Variants in LRRC8B observed in about 807,000 individuals in gnomAD.
The protein encoded by LRRC8B is volume-regulated anion channel subunit LRRC8B.
A neutral mutation model predicts 58.8 loss-of-function variants in LRRC8B; 23 were observed. That is an observed-to-expected ratio of 0.39 (90% CI 0.28 to 0.55). The LOEUF (loss-of-function observed/expected upper bound fraction) is 0.55. LRRC8B is among the 20% of genes least tolerant of loss of function. The probability of loss-of-function intolerance (pLI) is 0.62; values close to 1 mark genes in which losing one functional copy is unlikely to be tolerated. For missense variants in LRRC8B, 694 were observed against 936.0 expected, an observed-to-expected ratio of 0.74 and a Z score of 3.37; for synonymous variants, 359 against 374.1, an observed-to-expected ratio of 0.96 and a Z score of 0.47.
intron 1 of LRRC8B, among the ~76,000 whole-genome samples, chr1:89,541,000 A>G (rs181887724): frequency 4.6e-4 from 70 of 152,350 alleles, no homozygotes; most frequent in Admixed American, 2.2e-3. Flanking sequence ...TTTGGGGTCA[A>G]ATTGTCAAAT....
intron 1 of LRRC8B, among the ~76,000 whole-genome samples, chr1:89,563,876 A>G (rs1487641684): frequency 6.6e-6 from 1 of 152,220 alleles, no homozygotes; most frequent in Non-Finnish European, 1.5e-5. Context: ...GGTAAACAAC[A>G]AAGTCAAAAC....
chr1:89,595,610 A>C lies in LRRC8B; in HGVS notation c.*2567A>C, dbSNP rs1379127164. The C allele has an allele frequency of 6.6e-6, 1 of 152,132 alleles. No homozygotes were observed. The highest frequency in any genetic ancestry group is 1.5e-5 in the Non-Finnish European group (1 of 67,962). 9.4% of individuals were successfully genotyped at this position (152,132 alleles called of 1,614,324 possible). On this transcript the variant is annotated 3_prime_UTR_variant, in exon 6 of 6. Transcript: ENST00000330947. Reference sequence around the variant, plus strand: ...ACTGCTTTCCACACACTAGGGTATAATTATTGGTGCAATCTATGTTGTTCT... The same window carrying C: ...ACTGCTTTCCACACACTAGGGTATACTTATTGGTGCAATCTATGTTGTTCT...
intron 3 of LRRC8B, among the ~76,000 whole-genome samples, chr1:89,578,473 T>C (rs1458737606): frequency 6.6e-6 from 1 of 152,224 alleles, no homozygotes; most frequent in Non-Finnish European, 1.5e-5. Context: ...TGAATTAGTG[T>C]ACAGCTAGGT....
chr1:89,569,882 GC>G (rs766338950), intron 3 of LRRC8B, among the ~76,000 whole-genome samples: 6 of 151,886 alleles, frequency 4.0e-5, no homozygotes, highest in Non-Finnish European at 7.4e-5. Flanking sequence ...CCTTTGATAG[GC>G]CCCAGTATGT....
chr1:89,592,025 T>C (rs1655010772), intron 5 of LRRC8B, among the ~76,000 whole-genome samples: 1 of 152,192 alleles, frequency 6.6e-6, no homozygotes. Flanking sequence ...CTATTTCTTC[T>C]ATGTACTGTG....
At chr1:89,534,739 A>C (rs1176616517) in intron 1 of LRRC8B, among the ~76,000 whole-genome samples, 4 of 152,254 alleles carry the variant, frequency 2.6e-5, no homozygotes, top group Non-Finnish European at 5.9e-5. Flanking sequence ...TGAAGTCAGT[A>C]TAATTCCATT....
intron 1 of LRRC8B, among the ~76,000 whole-genome samples, chr1:89,527,382 T>A (rs1208380307): frequency 2.0e-5 from 3 of 152,210 alleles, no homozygotes; most frequent in Non-Finnish European, 4.4e-5. Context: ...TAGAAATGAA[T>A]GCATTCTGAT....
At chr1:89,559,790 A>AT (rs1437138211) in intron 1 of LRRC8B, among the ~76,000 whole-genome samples, 1 of 152,128 alleles carries the variant, frequency 6.6e-6, no homozygotes, top group Non-Finnish European at 1.5e-5. Context: ...TAATACTTCC[A>AT]TTATATGCTT....
chr1:89,567,615 T>G (rs1653138537), intron 1 of LRRC8B, among the ~76,000 whole-genome samples: 1 of 152,170 alleles, frequency 6.6e-6, no homozygotes, highest in Non-Finnish European at 1.5e-5. Context: ...GAGGTGCTAC[T>G]CATACATTGT....
chr1:89,552,689 C>T (rs565227116), intron 1 of LRRC8B, among the ~76,000 whole-genome samples: 38 of 152,140 alleles, frequency 2.5e-4, no homozygotes, highest in African/African-American at 8.2e-4. Context: ...TCGTTTATAC[C>T]AGAGTTGATT....
intron 5 of LRRC8B, among the ~76,000 whole-genome samples, chr1:89,586,030 G>T (rs1654600790): frequency 6.6e-6 from 1 of 152,170 alleles, no homozygotes; most frequent in Non-Finnish European, 1.5e-5. Flanking sequence ...TTATTCATAT[G>T]TAAAAGGAGA....
intron 1 of LRRC8B, among the ~76,000 whole-genome samples, chr1:89,525,258 C>T (rs1006773305): frequency 1.3e-5 from 2 of 152,206 alleles, no homozygotes; most frequent in Non-Finnish European, 2.9e-5. Context: ...GCTGAGAGGA[C>T]CTCTCCTGTG....
chr1:89,556,529 A>C (rs944769121), intron 1 of LRRC8B, among the ~76,000 whole-genome samples: 1 of 152,020 alleles, frequency 6.6e-6, no homozygotes, highest in Admixed American at 6.5e-5. Context: ...GCAGTCTTGT[A>C]GAATGGAGCC....
Position 89,594,062 on chromosome 1 carries a change from A to G in LRRC8B, c.*1019A>G, listed in dbSNP as rs1655162541. ...TCCCTAAAATTTCTTCTTGTCTATCATCAAGGCCTTTTTTTATTTGTTAAG... is the reference window on the plus strand; with the variant it reads ...TCCCTAAAATTTCTTCTTGTCTATCGTCAAGGCCTTTTTTTATTTGTTAAG... On this transcript the variant is annotated 3_prime_UTR_variant, in exon 6 of 6. Transcript: ENST00000330947. 1 of 152,172 alleles carries G rather than the reference A, an allele frequency of 6.6e-6. No homozygotes were observed. Among genetic ancestry groups the G allele is most frequent in the Non-Finnish European group, 1.5e-5 (1 of 68,018 alleles). The allele number at this position is 152,172 out of a possible 1,614,324, so 9.4% of individuals were successfully genotyped here.
At chr1:89,530,284 G>A (rs1018627961) in intron 1 of LRRC8B, among the ~76,000 whole-genome samples, 4 of 151,726 alleles carry the variant, frequency 2.6e-5, no homozygotes, top group African/African-American at 9.7e-5. Flanking sequence ...GCGTGAACCC[G>A]GGAGGCGGAG....
At chr1:89,545,752 A>G (rs890895720) in intron 1 of LRRC8B, among the ~76,000 whole-genome samples, 1 of 152,220 alleles carries the variant, frequency 6.6e-6, no homozygotes, top group Non-Finnish European at 1.5e-5. Flanking sequence ...CAACAATAAG[A>G]CAGATGTCCC....
At position 89,593,236 on chromosome 1, in the gene LRRC8B, G is replaced by T. The variant is rs1019493984; in HGVS notation, c.*193G>T. 4 of 544,992 alleles carry T rather than the reference G, an allele frequency of 7.3e-6. No homozygotes were observed. Among genetic ancestry groups the T allele is most frequent in the Admixed American group, 3.2e-5 (1 of 31,700 alleles). 33.8% of individuals were successfully genotyped at this position (544,992 alleles called of 1,614,324 possible). ...CTAAAACTACAAAAAAATTAGCCAG[G>T]CGTGGTGGCGTGCGCCTGTAATCCC... On this transcript the variant is annotated 3_prime_UTR_variant, in exon 6 of 6. Coordinates refer to ENST00000330947, the MANE Select transcript of LRRC8B (RefSeq NM_001369817.2).
chr1:89,589,539 TCTTA>T (rs1654843964), intron 5 of LRRC8B, among the ~76,000 whole-genome samples: 1 of 148,614 alleles, frequency 6.7e-6, no homozygotes, highest in South Asian at 2.1e-4. Context: ...ACCTAGGTCT[TCTTA>T]CTTCCACATT....
At chr1:89,580,117 T>G (rs1184410156) in intron 4 of LRRC8B, among the ~76,000 whole-genome samples, 3 of 152,254 alleles carry the variant, frequency 2.0e-5, no homozygotes, top group African/African-American at 7.2e-5. Flanking sequence ...AAATCCACTA[T>G]TCTTTCACCT....
Sources: gnomAD v4.1 joint callset for allele counts (sites outside exome capture counted in the v4.1 genomes callset) on GRCh38, gnomAD v4.1.1 for gene constraint, MANE v1.5 for transcripts, NCBI Gene and HGNC (gene_info 2026-07-23, HGNC 2026-07-21) for gene names.